CKAP5: variants seen among roughly 807,000 people sequenced by gnomAD.
CKAP5 encodes the protein cytoskeleton-associated protein 5.
Under a neutral mutation model 232.8 loss-of-function variants are expected in CKAP5, and 27 were observed. The ratio of observed to expected loss-of-function variants is 0.12; its 90% CI spans 0.09 to 0.16. The LOEUF (loss-of-function observed/expected upper bound fraction) is 0.16. Among genes scored for constraint, CKAP5 ranks in the 10% least tolerant of loss-of-function variants. The pLI is 1.00. For synonymous variants in CKAP5, 785 were observed against 841.1 expected (o/e 0.93, Z 1.16); for missense variants, 1,838 against 2,424.7 (o/e 0.76, Z 5.08).
intron 27 of CKAP5, 109 bp from the exon 28 acceptor site, chr11:46,765,365 G>T: frequency 1.1e-6 from 1 of 945,264 alleles, no homozygotes; most frequent in Non-Finnish European, 1.5e-6. Flanking sequence ...ATCTTTCTAC[G>T]TGATATTTCA....
Position 46,818,522 on chromosome 11 carries a change from T to C in CKAP5, c.58-19A>G. ...TCCACAGCTAAAAGAAAAGTAGTAT[T>C]TTGAAACAAAACATAATTTAATGAT... On this transcript the variant is annotated intron_variant, in intron 2 of 43. Coordinates refer to ENST00000529230, the MANE Select transcript of CKAP5 (RefSeq NM_001008938.4). 1 of 1,504,376 alleles carries C rather than the reference T, an allele frequency of 6.6e-7. No individual in the cohort carries two copies. Among genetic ancestry groups the C allele is most frequent in the Non-Finnish European group, 8.9e-7 (1 of 1,127,004 alleles). The allele number at this position is 1,504,376 out of a possible 1,614,324, so 93.2% of individuals were successfully genotyped here.
chr11:46,803,750 A>G (rs1466497622), intron 8 of CKAP5, among the ~76,000 whole-genome samples: 4 of 152,316 alleles, frequency 2.6e-5, no homozygotes, highest in Non-Finnish European at 4.4e-5. Context: ...GGATGAGATC[A>G]GGGTCCTAAT....
intron 35 of CKAP5, chr11:46,758,714 G>GAAAAA: frequency 2.9e-6 from 1 of 340,834 alleles, no homozygotes. Context: ...CTCAAAAGAG[G>GAAAAA]AAAAAAAAAA....
intron 3 of CKAP5, 148 bp from the exon 4 acceptor site, chr11:46,816,552 T>A: frequency 1.6e-6 from 1 of 620,534 alleles, no homozygotes; most frequent in Non-Finnish European, 2.8e-6. Context: ...AAGAATATTT[T>A]AAAAACTTAA....
intron 16 of CKAP5, among the ~76,000 whole-genome samples, chr11:46,785,695 A>G (rs1046789514): frequency 6.6e-6 from 1 of 152,182 alleles, no homozygotes; most frequent in African/African-American, 2.4e-5. Flanking sequence ...CTGTAATCCC[A>G]GCACTTTGGT....
chr11:46,803,815 A>G lies in CKAP5; in HGVS notation c.979-2511T>C, dbSNP rs1484300920. On this transcript the variant is annotated intron_variant, in intron 8 of 43. Coordinates refer to ENST00000529230, the MANE Select transcript of CKAP5 (RefSeq NM_001008938.4). ...AAGTCTATGAAGAAAAAAATTTTCC[A>G]TTCATTTCTGTATTGAAATCACTAT... Among the ~76,000 whole-genome samples, 3 of 152,180 alleles carry G rather than the reference A, an allele frequency of 2.0e-5. No homozygotes were observed. In the East Asian group the frequency reaches 5.8e-4, roughly 29 times the overall value.
At chr11:46,813,612 C>T (rs1368274727) in intron 4 of CKAP5, among the ~76,000 whole-genome samples, 2 of 152,120 alleles carry the variant, frequency 1.3e-5, no homozygotes, top group African/African-American at 4.8e-5. Context: ...GCAGTTTGGC[C>T]TCAAGGTTCT....
Position 46,759,006 on chromosome 11 carries a change from T to C in CKAP5, c.4606A>G (p.Ser1536Gly), listed in dbSNP as rs759308986. Residue 1536 changes from serine (S) to glycine (G), a missense_variant, in exon 35 of 44, where the codon AGT (serine) becomes GGT (glycine). Transcript: ENST00000529230. Reference sequence around the variant, plus strand: ...AAATTGATTGTGGATGCTGTATTACTGTGCATGTCATCGAAGTGTGGAGAA... The same window carrying C: ...AAATTGATTGTGGATGCTGTATTACCGTGCATGTCATCGAAGTGTGGAGAA... ...AVSPHFDDMH[S>G]NTASTINFII... 1.2e-5 allele frequency: 20 copies of C among 1,613,456 alleles called. No homozygotes were observed. In the Admixed American group the frequency reaches 2.0e-4, roughly 16 times the overall value.
At chr11:46,837,920 G>A (rs1327975186) in intron 1 of CKAP5, among the ~76,000 whole-genome samples, 1 of 152,170 alleles carries the variant, frequency 6.6e-6, no homozygotes, top group Non-Finnish European at 1.5e-5. Context: ...TTCCTTAAGT[G>A]TGGGCTGCAA....
rs764807452 is a variant in CKAP5, at chr11:46,809,828, G to A, written c.677C>T (p.Pro226Leu). Residue 226 changes from proline (P) to leucine (L), a missense_variant, in exon 6 of 44, where the codon CCT becomes CTT. Transcript: ENST00000529230. ...EEWVKLPTSA[P>L]RPTRFLRSQQ... ...GGAACGAAGAAATCGAGTAGGTCTA[G>A]GAGCACTTGTTGGCAGTTTGACCCA... 1.9e-6 allele frequency: 3 copies of A among 1,613,462 alleles called. No homozygotes were observed. In the African/African-American group the frequency reaches 4.0e-5, roughly 22 times the overall value.
intron 23 of CKAP5, 100 bp downstream of exon 23, chr11:46,777,339 A>G: frequency 1.5e-6 from 1 of 662,536 alleles, no homozygotes; most frequent in Non-Finnish European, 2.7e-6. Flanking sequence ...TATAAAGTTT[A>G]TCAGGTCTTT....
intron 1 of CKAP5, among the ~76,000 whole-genome samples, chr11:46,841,893 G>A (rs1359277783): frequency 6.6e-6 from 1 of 151,246 alleles, no homozygotes; most frequent in Non-Finnish European, 1.5e-5. Flanking sequence ...AGCTACTCAG[G>A]AGGCTGAGGC....
chr11:46,759,424 A>G lies in CKAP5; in HGVS notation c.4413T>C (p.Ser1471=), dbSNP rs763286122. ...SSKLNQARSM[S]GHPEAAQMVR... ...CCATCTGGGCTGCCTCAGGATGCCC[A>G]CTCATGCTTCGGGCTTGGCTAAGGG... is the stretch of plus-strand genomic sequence containing the variant. The change falls in exon 34 of 44, where the codon AGT becomes AGC. Residue 1471 remains serine, a synonymous_variant. Coordinates refer to ENST00000529230, the MANE Select transcript of CKAP5 (RefSeq NM_001008938.4). 9 of 1,613,430 alleles carry G rather than the reference A, an allele frequency of 5.6e-6. No homozygotes were observed. The highest frequency in any genetic ancestry group is 6.8e-6 in the Non-Finnish European group (8 of 1,179,854).
chr11:46,763,431 G>C lies in CKAP5; in HGVS notation c.3687+50C>G, dbSNP rs375206057. The C allele has an allele frequency of 3.0e-4, 446 of 1,499,740 alleles. 1 individual carries two copies. The highest frequency in any genetic ancestry group is 3.8e-4 in the Non-Finnish European group (419 of 1,109,806). The allele number at this position is 1,499,740 out of a possible 1,614,324, so 92.9% of individuals were successfully genotyped here. A position where few individuals can be genotyped will look rare whatever the true frequency, so the allele number is the denominator to read the frequency against. ...ACTTCAGATTATTTCATAGGGCTCG[G>C]TATTTTTACATGTCTGAAATACATG... is the stretch of plus-strand genomic sequence containing the variant. On this transcript the variant is annotated intron_variant, in intron 29 of 43. Transcript: ENST00000529230.
Position 46,776,314 on chromosome 11 carries a change from G to A in CKAP5, c.2932C>T (p.Leu978=). ...WAEQTGMKEW[L]EGEDLSEELK... is the part of the protein sequence containing the mutation. ...TCTTCAGAAAGATCTTCTCCTTCCA[G>A]CCATTCCTTCATGCCAGTCTGTTCT... Residue 978 remains leucine (L), a synonymous_variant, in exon 24 of 44, where the codon CTG becomes TTG. Transcript: ENST00000529230. 1.9e-6 allele frequency: 3 copies of A among 1,613,934 alleles called. No homozygotes were observed. The highest frequency in any genetic ancestry group is 1.7e-6 in the Non-Finnish European group (2 of 1,179,870).
intron 4 of CKAP5, among the ~76,000 whole-genome samples, chr11:46,814,047 C>T (rs768917878): frequency 5.5e-5 from 8 of 145,966 alleles, no homozygotes; most frequent in East Asian, 4.1e-4. Flanking sequence ...GCATGAGAAT[C>T]GCTTGAACCC....
chr11:46,835,802 A>C (rs540789769), intron 1 of CKAP5, among the ~76,000 whole-genome samples: 9 of 152,304 alleles, frequency 5.9e-5, no homozygotes, highest in Admixed American at 2.0e-4. Context: ...AGACCTGGCT[A>C]CTCATTTTCA....
chr11:46,801,227 C>T lies in CKAP5; in HGVS notation c.1056G>A (p.Arg352=). The T allele has an allele frequency of 1.2e-6, 2 of 1,613,602 alleles. No individual in the cohort carries two copies. The highest frequency in any genetic ancestry group is 1.1e-5 in the South Asian group (1 of 91,074). Residue 352 remains arginine (R), a synonymous_variant, in exon 9 of 44, where the codon AGG becomes AGA. Transcript: ENST00000529230. Reference sequence around the variant, plus strand: ...GTCCTGCATATTGTCCAAATTTCTTCCTTAGCCCAACAGCCAGGCCAGTAA... The same window carrying T: ...GTCCTGCATATTGTCCAAATTTCTTTCTTAGCCCAACAGCCAGGCCAGTAA... ...KCLTGLAVGL[R]KKFGQYAGHV...
chr11:46,834,011 A>G (rs1939857342), intron 1 of CKAP5, among the ~76,000 whole-genome samples: 1 of 152,168 alleles, frequency 6.6e-6, no homozygotes, highest in African/African-American at 2.4e-5. Flanking sequence ...CTGGGATTAC[A>G]GGCGTGTGCC....
Sources: gnomAD v4.1 joint callset for allele counts (sites outside exome capture counted in the v4.1 genomes callset) on GRCh38, gnomAD v4.1.1 for gene constraint, MANE v1.5 for transcripts, NCBI Gene and HGNC (gene_info 2026-07-23, HGNC 2026-07-21) for gene names.